The following SLC51A variants were observed in gnomAD, a reference collection of about 807,000 sequenced individuals.
SLC51A encodes organic solute transporter subunit alpha.
A neutral mutation model predicts 34.8 loss-of-function variants in SLC51A; 22 were observed. The ratio of observed to expected loss-of-function variants is 0.63; its 90% CI spans 0.45 to 0.90. The LOEUF (loss-of-function observed/expected upper bound fraction) is 0.90, where lower values mean the gene tolerates loss of function less well. Among genes scored for constraint, SLC51A ranks in the 40% least tolerant of loss-of-function variants. The probability of loss-of-function intolerance (pLI) is 0.00; values close to 1 mark genes in which losing one functional copy is unlikely to be tolerated. For missense variants in SLC51A, 371 were observed against 414.8 expected, an observed-to-expected ratio of 0.89 and a Z score of 0.92; for synonymous variants, 181 against 176.3, an observed-to-expected ratio of 1.03 and a Z score of -0.21.
intron 2 of SLC51A, among the ~76,000 whole-genome samples, chr3:196,224,794 T>G: frequency 2.9e-5 from 4 of 139,520 alleles, no homozygotes; most frequent in Non-Finnish European, 4.6e-5. Context: ...AGAGGAGAGT[T>G]GTCTGCAAGT....
At chr3:196,225,159 A>AGGTG (rs1723865137) in intron 2 of SLC51A, among the ~76,000 whole-genome samples, 1 of 151,762 alleles carries the variant, frequency 6.6e-6, no homozygotes, top group South Asian at 2.1e-4. Context: ...TTTTTAGTAG[A>AGGTG]GGTGGGGTTT....
chr3:196,228,945 C>G lies in SLC51A; in HGVS notation c.633+25C>G, dbSNP rs1256979093. On this transcript the variant is annotated intron_variant, in intron 6 of 8. Coordinates refer to ENST00000296327, the MANE Select transcript of SLC51A (RefSeq NM_152672.6). The surrounding 1 kb of genome is among the most constrained non-coding windows in gnomAD (Gnocchi z 4.9). Reference sequence around the variant, plus strand: ...CGTAAGCCGGGAGTAAGGGACAGCACAGTCCAAGACTCATTTAGTACCTTT... The same window carrying G: ...CGTAAGCCGGGAGTAAGGGACAGCAGAGTCCAAGACTCATTTAGTACCTTT... 6.5e-7 allele frequency: 1 copy of G among 1,535,758 alleles called. No individual in the cohort carries two copies. The highest frequency in any genetic ancestry group is 1.7e-5 in the Admixed American group (1 of 59,912).
At chr3:196,223,337 G>C (rs1242710669) in intron 2 of SLC51A, among the ~76,000 whole-genome samples, 4 of 151,958 alleles carry the variant, frequency 2.6e-5, no homozygotes, top group Admixed American at 2.6e-4. Context: ...AGCTTGACAA[G>C]GTCCCTGCCT....
At chr3:196,226,504 GGGGCTGA>G (rs1410698329) in intron 2 of SLC51A, 1 of 152,702 alleles carries the variant, frequency 6.5e-6, no homozygotes, top group Non-Finnish European at 1.5e-5. Context: ...GTTGGGCACG[GGGGCTGA>G]GGCCTATAAT....
chr3:196,224,759 AGAGGG>A (rs1290050272), intron 2 of SLC51A, among the ~76,000 whole-genome samples: 8 of 20,228 alleles, frequency 4.0e-4, no homozygotes, highest in East Asian at 1.3e-3. Flanking sequence ...AGGGAATGGG[AGAGGG>A]GAGGGGAGGG....
rs1723949534 is a variant in SLC51A at position 196,228,416 on chromosome 3, G to A, written c.521+143G>A. 4.6e-6 allele frequency: 5 copies of A among 1,090,430 alleles called. No individual in the cohort carries two copies. The highest frequency in any genetic ancestry group is 6.4e-6 in the Non-Finnish European group (5 of 783,546). 67.5% of individuals were successfully genotyped at this position (1,090,430 alleles called of 1,614,324 possible). ...GGCATCCCACGGCCAGGACCCACGG[G>A]CGCCACCCTCAGGGGACAGGGGAGC... On this transcript the variant is annotated intron_variant, in intron 5 of 8. Transcript: ENST00000296327. The surrounding 1 kb of genome is among the most constrained non-coding windows in gnomAD (Gnocchi z 4.9).
At chr3:196,222,166 A>G (rs1349958813) in intron 2 of SLC51A, among the ~76,000 whole-genome samples, 1 of 152,198 alleles carries the variant, frequency 6.6e-6, no homozygotes, top group African/African-American at 2.4e-5. Flanking sequence ...TTCTTATTTA[A>G]TGTTCCTGTT....
In SLC51A at chr3:196,222,876, T is replaced by C. The variant is rs375659198; in HGVS notation, c.134-4089T>C. Among the ~76,000 whole-genome samples the C allele has an allele frequency of 1.0e-3, 156 of 151,922 alleles. 2 individuals are homozygous for C. The highest frequency in any genetic ancestry group is 3.3e-3 in the African/African-American group (139 of 41,518). On this transcript the variant is annotated intron_variant, in intron 2 of 8. Transcript: ENST00000296327. ...AAGAAGAGGCCATCTCCTAAGAAGA[T>C]AGTTTGATGGACAGACCCAGTATCG...
At chr3:196,227,857 CCGGG>C in intron 4 of SLC51A, 120 bp downstream of exon 4, 1 of 1,067,630 alleles carries the variant, frequency 9.4e-7, no homozygotes, top group East Asian at 2.5e-5. Context: ...TGTGCTAGTT[CCGGG>C]CTCTTGCGCT....
intron 2 of SLC51A, among the ~76,000 whole-genome samples, chr3:196,221,876 C>T (rs745981202): frequency 2.8e-4 from 43 of 151,946 alleles, no homozygotes; most frequent in Non-Finnish European, 5.0e-4. Context: ...CCACCACACC[C>T]GGCTAATTTT....
At chr3:196,222,975 C>G (rs962718755) in intron 2 of SLC51A, among the ~76,000 whole-genome samples, 3 of 151,792 alleles carry the variant, frequency 2.0e-5, no homozygotes, top group Non-Finnish European at 4.4e-5. Context: ...CACTGCAAAA[C>G]CATTTGTGTT....
intron 2 of SLC51A, among the ~76,000 whole-genome samples, chr3:196,223,424 G>A (rs1053530526): frequency 6.6e-6 from 1 of 151,840 alleles, no homozygotes; most frequent in African/African-American, 2.4e-5. Context: ...TAGCCCTGAT[G>A]TGGGCGGAAG....
Position 196,228,258 on chromosome 3 carries a change from G to T in SLC51A, c.506G>T (p.Arg169Leu), listed in dbSNP as rs777508608. The change falls in exon 5 of 9, where the codon CGG becomes CTG. Residue 169 changes from arginine (R) to leucine (L), a missense_variant. Physicochemically the swap from Arg to Leu is moderately radical, Grantham distance 102. Transcript: ENST00000296327. The surrounding 1 kb of genome is among the most constrained non-coding windows in gnomAD (Gnocchi z 4.9). ...PCCCCCPCCP[R>L]LLLTRKKLQL... is the part of the protein sequence containing the mutation. Reference sequence around the variant, plus strand: ...TGCTGCTGCTGCCCCTGCTGTCCACGGCTGCTGCTCACCAGGTGAGGCGGG... The same window carrying T: ...TGCTGCTGCTGCCCCTGCTGTCCACTGCTGCTGCTCACCAGGTGAGGCGGG... 5 of 1,612,072 alleles carry T rather than the reference G, an allele frequency of 3.1e-6. No homozygotes were observed. The highest frequency in any genetic ancestry group is 3.3e-5 in the Admixed American group (2 of 60,002).
At chr3:196,217,736 G>T (rs1723632535) in intron 1 of SLC51A, 106 bp from the exon 2 acceptor site, 5 of 778,496 alleles carry the variant, frequency 6.4e-6, no homozygotes, top group African/African-American at 1.7e-5. Context: ...GGCCCTGAGG[G>T]GAAATGGACA....
chr3:196,217,609 AAGAGAAAGAG>A (rs1490497621), intron 1 of SLC51A, among the ~76,000 whole-genome samples: 1 of 151,136 alleles, frequency 6.6e-6, no homozygotes, highest in South Asian at 2.1e-4. Flanking sequence ...GGAAGAGAGA[AAGAGAAAGAG>A]AGAGCAGAAG....
chr3:196,232,923 T>C, intron 8 of SLC51A, 140 bp from the exon 9 acceptor site: 1 of 857,126 alleles, frequency 1.2e-6, no homozygotes. Context: ...CTGTGTTATT[T>C]ATGACAATTT....
chr3:196,230,155 G>A, intron 7 of SLC51A, 94 bp downstream of exon 7: 1 of 1,234,580 alleles, frequency 8.1e-7, no homozygotes, highest in Non-Finnish European at 1.1e-6. Flanking sequence ...AAGTGGGCCG[G>A]GAATCTTTTT....
chr3:196,216,842 C>G lies in SLC51A; in HGVS notation c.38+92C>G. The G allele has an allele frequency of 1.5e-6, 2 of 1,300,034 alleles. No homozygotes were observed. Among genetic ancestry groups the G allele is most frequent in the Non-Finnish European group, 2.1e-6 (2 of 944,360 alleles). The allele number at this position is 1,300,034 out of a possible 1,614,324, so 80.5% of individuals were successfully genotyped here. A position where few individuals can be genotyped will look rare whatever the true frequency, so the allele number is the denominator to read the frequency against. ...CTCTCTCCCTCCCAGAGCCCTTTGG[C>G]GGCCGCACTCAGAATGAGACAGGAC... On this transcript the variant is annotated intron_variant, in intron 1 of 8. Transcript: ENST00000296327. The surrounding 1 kb of genome is among the most constrained non-coding windows in gnomAD (Gnocchi z 4.5).
At chr3:196,221,699 T>G (rs941193479) in intron 2 of SLC51A, among the ~76,000 whole-genome samples, 1 of 151,756 alleles carries the variant, frequency 6.6e-6, no homozygotes, top group African/African-American at 2.4e-5. Flanking sequence ...TGTTTGTTTG[T>G]TTGTTTGGTT....
Sources: allele counts gnomAD v4.1 joint callset (sites outside exome capture counted in the v4.1 genomes callset), GRCh38; gene constraint gnomAD v4.1.1; non-coding constraint Gnocchi (gnomAD v3.1); transcripts MANE v1.5; gene names NCBI Gene and HGNC (gene_info 2026-07-23, HGNC 2026-07-21).